The following SLC35F4 variants were observed in gnomAD, a reference collection of about 807,000 sequenced individuals.
SLC35F4 encodes the protein chromosome 14 open reading frame 36.
A neutral mutation model predicts 44.2 loss-of-function variants in SLC35F4; 24 were observed. The observed-to-expected ratio is 0.54, with a 90% confidence interval of 0.39 to 0.76. The LOEUF is 0.76. Ranked by LOEUF, SLC35F4 falls within the 30% of genes least tolerant of loss-of-function variation. The pLI is 0.00. For missense variants in SLC35F4, 562 were observed against 586.1 expected (o/e 0.96, Z 0.42); for synonymous variants, 238 against 223.6 (o/e 1.06, Z -0.57).
intron 1 of SLC35F4, among the ~76,000 whole-genome samples, chr14:57,710,884 G>T (rs189818682): frequency 3.3e-4 from 50 of 152,216 alleles, no homozygotes; most frequent in Non-Finnish European, 5.4e-4. Flanking sequence ...AGGTGGAAGG[G>T]ACTTGCCTTG....
intron 1 of SLC35F4, among the ~76,000 whole-genome samples, chr14:57,677,869 AG>A (rs565567389): frequency 1.8e-3 from 281 of 152,148 alleles, no homozygotes; most frequent in Non-Finnish European, 3.5e-3. Context: ...TCACAAAAAA[AG>A]AATATAAAAA....
chr14:57,947,259 T>G (rs981187805), intron 1 of SLC35F4, among the ~76,000 whole-genome samples: 2 of 151,664 alleles, frequency 1.3e-5, no homozygotes, highest in African/African-American at 4.8e-5. Flanking sequence ...TTGTTTTTTT[T>G]TTTTTGGTTT....
chr14:57,737,073 C>A (rs889302433), intron 1 of SLC35F4, among the ~76,000 whole-genome samples: 2 of 151,112 alleles, frequency 1.3e-5, no homozygotes, highest in African/African-American at 4.9e-5. Flanking sequence ...GTAACAGATA[C>A]AGGAAAATGA....
At chr14:57,772,377 G>C (rs1566839454) in intron 1 of SLC35F4, among the ~76,000 whole-genome samples, 1 of 121,174 alleles carries the variant, frequency 8.3e-6, no homozygotes. Flanking sequence ...TGTTCTTTTA[G>C]TTTTTATTTT....
In SLC35F4 at chr14:57,961,645, G is replaced by A. The variant is rs1180904568; in HGVS notation, n.282+20268C>T. Among the ~76,000 whole-genome samples, 3 of 152,286 alleles carry A rather than the reference G, an allele frequency of 2.0e-5. No individual in the cohort carries two copies. The East Asian group carries it at 5.8e-4, about 29-fold the overall frequency. ...GCCTATAATTCCTGGCGGGATGGCT[G>A]CCCTACCTCCCCGGCTTCTTCTCCT... is the stretch of plus-strand genomic sequence containing the variant. On this transcript the variant is annotated intron_variant and non_coding_transcript_variant, in intron 1 of 1. Transcript: ENST00000556568.
At chr14:57,823,015 C>T (rs1883339610) in intron 1 of SLC35F4, among the ~76,000 whole-genome samples, 2 of 152,124 alleles carry the variant, frequency 1.3e-5, no homozygotes, top group Non-Finnish European at 2.9e-5. Context: ...ACTCCAGGCT[C>T]ATGTCTGTGG....
At chr14:57,593,624 A>G (rs566657962) in intron 2 of SLC35F4, among the ~76,000 whole-genome samples, 1 of 152,288 alleles carries the variant, frequency 6.6e-6, no homozygotes, top group South Asian at 2.1e-4. Flanking sequence ...GGCTGAGACA[A>G]AAGATGCAGG....
chr14:57,860,254 C>T (rs1887565504), intron 1 of SLC35F4, among the ~76,000 whole-genome samples: 1 of 152,132 alleles, frequency 6.6e-6, no homozygotes, highest in Admixed American at 6.6e-5. Context: ...CAAATTGCAG[C>T]TTCCAATAGA....
intron 4 of SLC35F4, among the ~76,000 whole-genome samples, chr14:57,574,889 A>G (rs991737872): frequency 2.0e-5 from 3 of 151,998 alleles, no homozygotes; most frequent in Non-Finnish European, 4.4e-5. Flanking sequence ...AGAGGGATTA[A>G]TACTCTGTTC....
intron 3 of SLC35F4, among the ~76,000 whole-genome samples, chr14:57,588,964 C>T (rs1012246683): frequency 6.6e-6 from 1 of 152,046 alleles, no homozygotes; most frequent in African/African-American, 2.4e-5. Flanking sequence ...GATAACACCA[C>T]CTTAAAATGT....
At chr14:57,872,285 T>G (rs1888309528) in intron 1 of SLC35F4, among the ~76,000 whole-genome samples, 1 of 152,228 alleles carries the variant, frequency 6.6e-6, no homozygotes, top group Non-Finnish European at 1.5e-5. Flanking sequence ...TCAGTAGAAC[T>G]TGCTTTTTAA....
intron 1 of SLC35F4, among the ~76,000 whole-genome samples, chr14:57,884,403 A>G (rs1359093783): frequency 1.3e-5 from 2 of 152,198 alleles, no homozygotes; most frequent in Admixed American, 1.3e-4. Context: ...ATCTACAAAT[A>G]TCCACTGAGG....
intron 1 of SLC35F4, among the ~76,000 whole-genome samples, chr14:57,753,061 C>T (rs895616012): frequency 1.3e-5 from 2 of 152,192 alleles, no homozygotes; most frequent in African/African-American, 4.8e-5. Flanking sequence ...GTACTGAGAA[C>T]TGCCGGGGAG....
At chr14:57,757,872 A>G (rs2077031101) in intron 1 of SLC35F4, among the ~76,000 whole-genome samples, 1 of 152,084 alleles carries the variant, frequency 6.6e-6, no homozygotes, top group Non-Finnish European at 1.5e-5. Context: ...CACCTAGCAT[A>G]ATTTTTCTTC....
intron 1 of SLC35F4, among the ~76,000 whole-genome samples, chr14:57,820,707 G>C (rs1458803722): frequency 6.6e-6 from 1 of 152,162 alleles, no homozygotes; most frequent in Non-Finnish European, 1.5e-5. Flanking sequence ...ACTTCTCAAG[G>C]TTTAGAGTAT....
intron 1 of SLC35F4, among the ~76,000 whole-genome samples, chr14:57,910,282 G>A (rs1889191584): frequency 6.6e-6 from 1 of 151,982 alleles, no homozygotes; most frequent in African/African-American, 2.4e-5. Context: ...GTATTTTGCA[G>A]AGAAGAAGTG....
At chr14:57,728,480 A>G (rs1446544908) in intron 1 of SLC35F4, among the ~76,000 whole-genome samples, 38 of 106,066 alleles carry the variant, frequency 3.6e-4, no homozygotes, top group African/African-American at 1.3e-3. Context: ...ATGGAGTCTC[A>G]CTCTGTCACT....
intron 1 of SLC35F4, among the ~76,000 whole-genome samples, chr14:57,837,008 G>T (rs922966765): frequency 6.6e-6 from 1 of 152,046 alleles, no homozygotes; most frequent in Admixed American, 6.5e-5. Flanking sequence ...TAACATTATG[G>T]CATGATATGC....
At chr14:57,879,666 C>CCT (rs1888477388) in intron 1 of SLC35F4, among the ~76,000 whole-genome samples, 1 of 152,130 alleles carries the variant, frequency 6.6e-6, no homozygotes, top group African/African-American at 2.4e-5. Flanking sequence ...TCAATTCAAG[C>CCT]ACATCCTCCA....
Sources: allele counts gnomAD v4.1 joint callset (sites outside exome capture counted in the v4.1 genomes callset), GRCh38; gene constraint gnomAD v4.1.1; transcripts MANE v1.5; gene names NCBI Gene and HGNC (gene_info 2026-07-23, HGNC 2026-07-21).